BECN2: variants seen among roughly 807,000 people sequenced by gnomAD.
BECN2 encodes beclin 2, also known as beclin-2.
For missense variants in BECN2, 428 were observed against 507.9 expected (o/e 0.84, Z 1.51); for synonymous variants, 173 against 220.1 (o/e 0.79, Z 1.90).
chr1:241,958,836 G>T lies in BECN2; in HGVS notation c.1070G>T (p.Cys357Phe). 4 of 1,231,890 alleles carry T rather than the reference G, an allele frequency of 3.2e-6. No homozygotes were observed. Among genetic ancestry groups the T allele is most frequent in the Non-Finnish European group, 4.0e-6 (4 of 988,092 alleles). 76.3% of individuals were successfully genotyped at this position (1,231,890 alleles called of 1,614,324 possible). Residue 357 changes from cysteine to phenylalanine, a missense_variant, in exon 1 of 1, where the codon TGC (cysteine) becomes TTC (phenylalanine). Coordinates refer to ENST00000419583, the MANE Select transcript of BECN2 (RefSeq NM_001290693.1). ...CGCGCGATGGTGGCCTTCCTGGACTGCATGCAGCAGTTCAAGGAAGAGGCT... is the reference window on the plus strand; with the variant it reads ...CGCGCGATGGTGGCCTTCCTGGACTTCATGCAGCAGTTCAAGGAAGAGGCT... ...YDRAMVAFLD[C>F]MQQFKEEAEK...
chr1:241,958,676 G>T, the BECN2 span: 1 of 1,231,770 alleles, frequency 8.1e-7, no homozygotes, highest in Non-Finnish European at 1.0e-6. Context: ...CAATACAATT[G>T]GACTGCAGTT....
chr1:241,958,623 A>C lies in BECN2; in HGVS notation c.857A>C (p.Asn286Thr). ...PTVRVGWNEI[N>T]TAWGQAALLL... ...GTCCGTGTGGGCTGGAATGAGATTA[A>C]CACTGCCTGGGGACAGGCGGCCTTG... Residue 286 changes from asparagine to threonine, a missense_variant, in exon 1 of 1, where the codon AAC becomes ACC. Transcript: ENST00000419583. The C allele has an allele frequency of 2.4e-6, 3 of 1,231,764 alleles. No individual in the cohort carries two copies. The highest frequency in any genetic ancestry group is 3.0e-6 in the Non-Finnish European group (3 of 988,012). 76.3% of individuals were successfully genotyped at this position (1,231,764 alleles called of 1,614,324 possible).
Position 241,958,319 on chromosome 1 carries a change from A to G in BECN2, c.553A>G (p.Arg185Gly). ...GGTGCAGGAGCTGGAGGATGTGGAC[A>G]GGAACAATGCAAGAGCAGCGGCGGA... ...RLVQELEDVD[R>G]NNARAAADLQ... Residue 185 changes from arginine (R) to glycine (G), a missense_variant, in exon 1 of 1, where the codon AGG (arginine) becomes GGG (glycine). Physicochemically the swap from Arg to Gly is moderately radical, Grantham distance 125. Transcript: ENST00000419583. 1 of 1,234,272 alleles carries G rather than the reference A, an allele frequency of 8.1e-7. No individual in the cohort carries two copies. Among genetic ancestry groups the G allele is most frequent in the Non-Finnish European group, 1.0e-6 (1 of 989,998 alleles). The allele number at this position is 1,234,272 out of a possible 1,614,324, so 76.5% of individuals were successfully genotyped here. A position where few individuals can be genotyped will look rare whatever the true frequency, so the allele number is the denominator to read the frequency against.
rs1664455135 is a variant in BECN2 at position 241,958,065 on chromosome 1, C to G, written c.299C>G (p.Ala100Gly). ...MHMLSSIQKA[A>G]GDIFDIVSGQ... ...ATGCTCAGTAGCATCCAGAAGGCAG[C>G]TGGTGACATTTTTGACATAGTCTCT... The change falls in exon 1 of 1, where the codon GCT becomes GGT. Residue 100 changes from alanine (A) to glycine (G), a missense_variant. Coordinates refer to ENST00000419583, the MANE Select transcript of BECN2 (RefSeq NM_001290693.1). 21 of 1,232,082 alleles carry G rather than the reference C, an allele frequency of 1.7e-5. No homozygotes were observed. Among genetic ancestry groups the G allele is most frequent in the Middle Eastern group, 3.1e-4 (1 of 3,210 alleles). 76.3% of individuals were successfully genotyped at this position (1,232,082 alleles called of 1,614,324 possible).
In BECN2 at chr1:241,958,181, G is replaced by A. The variant is rs974317270; in HGVS notation, c.415G>A (p.Asp139Asn). The change falls in exon 1 of 1, where the codon GAC becomes AAC. Residue 139 changes from aspartate to asparagine, a missense_variant. Coordinates refer to ENST00000419583, the MANE Select transcript of BECN2 (RefSeq NM_001290693.1). Reference sequence around the variant, plus strand: ...CATCCAGCTCGCTCTCACAGAAGCTGACAGTCAGAACTACCAACGCTGCCT... The same window carrying A: ...CATCCAGCTCGCTCTCACAGAAGCTAACAGTCAGAACTACCAACGCTGCCT... ...LDIQLALTEADSQNYQRCLET... is the reference protein window; with the variant it reads ...LDIQLALTEANSQNYQRCLET... 11 of 1,232,170 alleles carry A rather than the reference G, an allele frequency of 8.9e-6. No individual in the cohort carries two copies. In the Admixed American group the frequency reaches 1.3e-4, roughly 14 times the overall value. The allele number at this position is 1,232,170 out of a possible 1,614,324, so 76.3% of individuals were successfully genotyped here.
rs1243787267 is a variant in BECN2 at position 241,957,999 on chromosome 1, C to A, written c.233C>A (p.Ala78Asp). ...PGDGSVSKGH[A>D]NIFTLLGELG... ...GATGGCAGTGTGTCCAAGGGCCATGCCAACATCTTCACCCTGCTGGGGGAG... is the reference window on the plus strand; with the variant it reads ...GATGGCAGTGTGTCCAAGGGCCATGACAACATCTTCACCCTGCTGGGGGAG... Residue 78 changes from alanine to aspartate, a missense_variant, in exon 1 of 1, where the codon GCC (alanine) becomes GAC (aspartate). By Grantham distance (126) the Ala-to-Asp change is moderately radical (BLOSUM62 -2). Transcript: ENST00000419583. The A allele has an allele frequency of 5.7e-6, 7 of 1,231,762 alleles. No individual in the cohort carries two copies. Among genetic ancestry groups the A allele is most frequent in the Non-Finnish European group, 7.1e-6 (7 of 988,082 alleles). The allele number at this position is 1,231,762 out of a possible 1,614,324, so 76.3% of individuals were successfully genotyped here.
chr1:241,958,234 G>A lies in BECN2; in HGVS notation c.468G>A (p.Glu156=), dbSNP rs1334204304. 3 of 1,233,808 alleles carry A rather than the reference G, an allele frequency of 2.4e-6. No homozygotes were observed. The highest frequency in any genetic ancestry group is 3.1e-5 in the African/African-American group (2 of 64,468). The allele number at this position is 1,233,808 out of a possible 1,614,324, so 76.4% of individuals were successfully genotyped here. A position where few individuals can be genotyped will look rare whatever the true frequency, so the allele number is the denominator to read the frequency against. The change falls in exon 1 of 1, where the codon GAG becomes GAA. Residue 156 remains glutamate (E), a synonymous_variant. Coordinates refer to ENST00000419583, the MANE Select transcript of BECN2 (RefSeq NM_001290693.1). The stretch of plus-strand genomic sequence containing the variant: ...AGACCGGGGAGCTGGCGACCAGCGA[G>A]GACGAGGCGGCGGCGCTGCGGGCGG... ...CLETGELATS[E]DEAAALRAEL...
In BECN2 at chr1:241,958,548, A is replaced by C; in HGVS notation, c.782A>C (p.Glu261Ala). Residue 261 changes from glutamate (E) to alanine (A), a missense_variant, in exon 1 of 1, where the codon GAG becomes GCG. Coordinates refer to ENST00000419583, the MANE Select transcript of BECN2 (RefSeq NM_001290693.1). ...CFTATFEIWV[E>A]GPLGVINNFR... The stretch of plus-strand genomic sequence containing the variant: ...ACCGCCACGTTTGAGATCTGGGTGG[A>C]GGGCCCCTTGGGCGTCATCAATAAC... 1 of 1,231,770 alleles carries C rather than the reference A, an allele frequency of 8.1e-7. No individual in the cohort carries two copies. The highest frequency in any genetic ancestry group is 4.1e-5 in the South Asian group (1 of 24,312). 76.3% of individuals were successfully genotyped at this position (1,231,770 alleles called of 1,614,324 possible). A position where few individuals can be genotyped will look rare whatever the true frequency, so the allele number is the denominator to read the frequency against.
Position 241,958,498 on chromosome 1 carries a change from C to G in BECN2, c.732C>G (p.Asp244Glu). ...TGCAGTATGCCAGGGTCCAGAGGGA[C>G]CGGCTGAAGGAAATCAACTGTTTCA... ...NQLQYARVQRDRLKEINCFTA... is the reference protein window; with the variant it reads ...NQLQYARVQRERLKEINCFTA... Residue 244 changes from aspartate (D) to glutamate (E), a missense_variant, in exon 1 of 1, where the codon GAC (aspartate) becomes GAG (glutamate). Asp to Glu is a conservative substitution (Grantham distance 45, BLOSUM62 2). Coordinates refer to ENST00000419583, the MANE Select transcript of BECN2 (RefSeq NM_001290693.1). 1.6e-6 allele frequency: 2 copies of G among 1,231,736 alleles called. No individual in the cohort carries two copies. 76.3% of individuals were successfully genotyped at this position (1,231,736 alleles called of 1,614,324 possible). A position where few individuals can be genotyped will look rare whatever the true frequency, so the allele number is the denominator to read the frequency against.
rs1019417395 is a variant in BECN2, at chr1:241,958,698, G to C, written c.932G>C (p.Arg311Pro). ...NTIGLQFQRYRLIPCGNHSYL... is the reference protein window; with the variant it reads ...NTIGLQFQRYPLIPCGNHSYL... ...ATTGGACTGCAGTTTCAGAGGTATC[G>C]ACTCATCCCCTGCGGAAACCATTCG... is the stretch of plus-strand genomic sequence containing the variant. The change falls in exon 1 of 1, where the codon CGA (arginine) becomes CCA (proline). Residue 311 changes from arginine (R) to proline (P), a missense_variant. Arg to Pro is a moderately radical substitution (Grantham distance 103, BLOSUM62 -2). Coordinates refer to ENST00000419583, the MANE Select transcript of BECN2 (RefSeq NM_001290693.1). 8.9e-6 allele frequency: 11 copies of C among 1,231,690 alleles called. No homozygotes were observed. The highest frequency in any genetic ancestry group is 1.1e-5 in the Non-Finnish European group (11 of 988,048). The allele number at this position is 1,231,690 out of a possible 1,614,324, so 76.3% of individuals were successfully genotyped here.
In BECN2 at chr1:241,959,033, A is replaced by G. The variant is rs1664475935; in HGVS notation, c.1267A>G (p.Ile423Val). Residue 423 changes from isoleucine to valine, a missense_variant, in exon 1 of 1, where the codon ATC (isoleucine) becomes GTC (valine). Transcript: ENST00000419583. ...FMLINFKWSL[I>V]WVASRYQK ...GCTTATAAATTTCAAGTGGAGTCTC[A>G]TCTGGGTTGCCTCAAGGTATCAAAA... 1.6e-6 allele frequency: 2 copies of G among 1,231,164 alleles called. No individual in the cohort carries two copies. The highest frequency in any genetic ancestry group is 2.0e-6 in the Non-Finnish European group (2 of 987,770). The allele number at this position is 1,231,164 out of a possible 1,614,324, so 76.3% of individuals were successfully genotyped here.
In BECN2 at chr1:241,958,812, G is replaced by A; in HGVS notation, c.1046G>A (p.Arg349His). Reference sequence around the variant, plus strand: ...GTTTTCCTCAATAACAAGTATGACCGCGCGATGGTGGCCTTCCTGGACTGC... The same window carrying A: ...GTTTTCCTCAATAACAAGTATGACCACGCGATGGTGGCCTTCCTGGACTGC... ...QDVFLNNKYD[R>H]AMVAFLDCMQ... is the part of the protein sequence containing the mutation. The change falls in exon 1 of 1, where the codon CGC becomes CAC. Residue 349 changes from arginine (R) to histidine (H), a missense_variant. Coordinates refer to ENST00000419583, the MANE Select transcript of BECN2 (RefSeq NM_001290693.1). 3.2e-6 allele frequency: 4 copies of A among 1,231,878 alleles called. No homozygotes were observed. Among genetic ancestry groups the A allele is most frequent in the African/African-American group, 1.5e-5 (1 of 64,534 alleles). The allele number at this position is 1,231,878 out of a possible 1,614,324, so 76.3% of individuals were successfully genotyped here. A position where few individuals can be genotyped will look rare whatever the true frequency, so the allele number is the denominator to read the frequency against.
Position 241,958,257 on chromosome 1 carries a change from C to T in BECN2, c.491C>T (p.Ala164Val). 6.5e-6 allele frequency: 8 copies of T among 1,233,922 alleles called. No homozygotes were observed. Among genetic ancestry groups the T allele is most frequent in the Non-Finnish European group, 8.1e-6 (8 of 989,678 alleles). The allele number at this position is 1,233,922 out of a possible 1,614,324, so 76.4% of individuals were successfully genotyped here. ...TSEDEAAALR[A>V]ELRDLELEEA... is the part of the protein sequence containing the mutation. ...GAGGACGAGGCGGCGGCGCTGCGGG[C>T]GGAGCTGCGGGACCTGGAGCTGGAG... Residue 164 changes from alanine (A) to valine (V), a missense_variant, in exon 1 of 1, where the codon GCG becomes GTG. Transcript: ENST00000419583.
chr1:241,958,554 C>A lies in BECN2; in HGVS notation c.788C>A (p.Pro263His), dbSNP rs1293186067. The A allele has an allele frequency of 1.5e-5, 19 of 1,231,630 alleles. No individual in the cohort carries two copies. The allele number at this position is 1,231,630 out of a possible 1,614,324, so 76.3% of individuals were successfully genotyped here. Residue 263 changes from proline (P) to histidine (H), a missense_variant, in exon 1 of 1, where the codon CCC becomes CAC. Physicochemically the swap from Pro to His is moderately conservative, Grantham distance 77. Coordinates refer to ENST00000419583, the MANE Select transcript of BECN2 (RefSeq NM_001290693.1). Reference protein sequence around the residue: ...TATFEIWVEGPLGVINNFRLG... With the variant: ...TATFEIWVEGHLGVINNFRLG... ...ACGTTTGAGATCTGGGTGGAGGGCC[C>A]CTTGGGCGTCATCAATAACTTCAGG... is the stretch of plus-strand genomic sequence containing the variant.
chr1:241,957,810 T>A lies in BECN2; in HGVS notation c.44T>A (p.Leu15Gln). Residue 15 changes from leucine (L) to glutamine (Q), a missense_variant, in exon 1 of 1, where the codon CTG becomes CAG. Physicochemically the swap from Leu to Gln is moderately radical, Grantham distance 113. Coordinates refer to ENST00000419583, the MANE Select transcript of BECN2 (RefSeq NM_001290693.1). ...RFLCQRCHQALKLSGSSESRS... is the reference protein window; with the variant it reads ...RFLCQRCHQAQKLSGSSESRS... ...CTGTGCCAGCGCTGCCACCAGGCCC[T>A]GAAGCTGAGCGGCTCCTCGGAGTCT... is the stretch of plus-strand genomic sequence containing the variant. 1 of 1,231,764 alleles carries A rather than the reference T, an allele frequency of 8.1e-7. No individual in the cohort carries two copies. 76.3% of individuals were successfully genotyped at this position (1,231,764 alleles called of 1,614,324 possible).
chr1:241,958,406 G>A lies in BECN2; in HGVS notation c.640G>A (p.Asp214Asn). ...LDQQERQHYR[D>N]YSALKRQQLE... ...CCAGCAGGAGAGGCAGCACTACAGGGACTACAGTGCCTTGAAGCGGCAGCA... is the reference window on the plus strand; with the variant it reads ...CCAGCAGGAGAGGCAGCACTACAGGAACTACAGTGCCTTGAAGCGGCAGCA... Residue 214 changes from aspartate (D) to asparagine (N), a missense_variant, in exon 1 of 1, where the codon GAC becomes AAC. Physicochemically the swap from Asp to Asn is conservative, Grantham distance 23 (BLOSUM62 1). Coordinates refer to ENST00000419583, the MANE Select transcript of BECN2 (RefSeq NM_001290693.1). 7 of 1,232,230 alleles carry A rather than the reference G, an allele frequency of 5.7e-6. No homozygotes were observed. The highest frequency in any genetic ancestry group is 7.1e-6 in the Non-Finnish European group (7 of 988,376). The allele number at this position is 1,232,230 out of a possible 1,614,324, so 76.3% of individuals were successfully genotyped here.
rs1294705837 is a variant in BECN2 at position 241,958,699 on chromosome 1, A to G, written c.933A>G (p.Arg311=). The change falls in exon 1 of 1, where the codon CGA becomes CGG. Residue 311 remains arginine (R), a synonymous_variant. Transcript: ENST00000419583. The part of the protein sequence containing the change: ...NTIGLQFQRY[R]LIPCGNHSYL... ...TTGGACTGCAGTTTCAGAGGTATCG[A>G]CTCATCCCCTGCGGAAACCATTCGT... 8.1e-7 allele frequency: 1 copy of G among 1,231,526 alleles called. No individual in the cohort carries two copies. The highest frequency in any genetic ancestry group is 1.0e-6 in the Non-Finnish European group (1 of 988,008). The allele number at this position is 1,231,526 out of a possible 1,614,324, so 76.3% of individuals were successfully genotyped here.
At chr1:241,958,115 CTG>C in the BECN2 span, 1 of 1,231,870 alleles carries the variant, frequency 8.1e-7, no homozygotes, top group Non-Finnish European at 1.0e-6. Flanking sequence ...GGACCATCCC[CTG>C]TGTGAAGAAT....
Position 241,958,132 on chromosome 1 carries a change from C to T in BECN2, c.366C>T (p.Thr122=). The change falls in exon 1 of 1, where the codon ACC becomes ACT. Residue 122 remains threonine, a synonymous_variant. Transcript: ENST00000419583. Reference sequence around the variant, plus strand: ...ACCATCCCCTGTGTGAAGAATGCACCGACAGTCTTTTAGAGCAGCTGGACA... The same window carrying T: ...ACCATCCCCTGTGTGAAGAATGCACTGACAGTCTTTTAGAGCAGCTGGACA... The part of the protein sequence containing the change: ...VVDHPLCEEC[T]DSLLEQLDIQ... 8.1e-7 allele frequency: 1 copy of T among 1,231,952 alleles called. No individual in the cohort carries two copies. The highest frequency in any genetic ancestry group is 4.1e-5 in the South Asian group (1 of 24,320). The allele number at this position is 1,231,952 out of a possible 1,614,324, so 76.3% of individuals were successfully genotyped here.
Sources: allele counts gnomAD v4.1 joint callset, GRCh38; gene constraint gnomAD v4.1.1; transcripts MANE v1.5; gene names NCBI Gene and HGNC (gene_info 2026-07-23, HGNC 2026-07-21).